Variants in EYS observed in about 807,000 individuals in gnomAD.
EYS encodes the protein EGF-like photoreceptor maintenance factor.
Under a neutral mutation model 282.1 loss-of-function variants are expected in EYS, and 250 were observed. The observed-to-expected ratio is 0.89, with a 90% CI of 0.80 to 0.98. The LOEUF is 0.98. Among genes scored for constraint, EYS ranks in the 50% least tolerant of loss-of-function variants. The pLI is 0.00. For synonymous variants in EYS, 1,355 were observed against 1,282.9 expected (o/e 1.06, Z -1.20); for missense variants, 4,016 against 3,709.0 (o/e 1.08, Z -2.15).
chr6:64,061,997 A>T (rs538137139), intron 33 of EYS, among the ~76,000 whole-genome samples: 2 of 151,526 alleles, frequency 1.3e-5, no homozygotes, highest in Admixed American at 6.6e-5. Context: ...CCATCATGCT[A>T]TTTTTTTTAT....
At chr6:65,179,080 A>G (rs1765303322) in intron 12 of EYS, among the ~76,000 whole-genome samples, 1 of 152,150 alleles carries the variant, frequency 6.6e-6, no homozygotes, top group African/African-American at 2.4e-5. Flanking sequence ...AGGGAAATTT[A>G]TAGCACTAAA....
At chr6:64,418,221 G>GT (rs891260635) in intron 28 of EYS, among the ~76,000 whole-genome samples, 3 of 151,594 alleles carry the variant, frequency 2.0e-5, no homozygotes, top group Non-Finnish European at 4.4e-5. Context: ...GTAACACCTT[G>GT]TTTAAAAAAA....
chr6:65,539,856 C>T (rs988267131), intron 2 of EYS, among the ~76,000 whole-genome samples: 2 of 152,094 alleles, frequency 1.3e-5, no homozygotes, highest in Non-Finnish European at 2.9e-5. Flanking sequence ...AAGTATAGTC[C>T]TTCAAACACC....
intron 2 of EYS, among the ~76,000 whole-genome samples, chr6:65,607,148 C>T (rs1051138592): frequency 3.3e-5 from 5 of 151,796 alleles, no homozygotes; most frequent in African/African-American, 1.2e-4. Flanking sequence ...CTCTCAACCA[C>T]TTGCAATTTA....
chr6:65,083,465 G>C (rs1774280453), intron 12 of EYS, among the ~76,000 whole-genome samples: 2 of 151,792 alleles, frequency 1.3e-5, no homozygotes, highest in African/African-American at 4.8e-5. Flanking sequence ...TAGAATTATT[G>C]TTAGCAAAAG....
chr6:65,278,437 C>T (rs113557385), intron 12 of EYS, among the ~76,000 whole-genome samples: 6,436 of 76,776 alleles, frequency 0.084, 228 homozygotes, highest in African/African-American at 0.13. Flanking sequence ...TCTGGAGAAC[C>T]CTAATACAGC....
At chr6:64,900,939 C>T (rs1054802268) in intron 18 of EYS, among the ~76,000 whole-genome samples, 2 of 151,948 alleles carry the variant, frequency 1.3e-5, no homozygotes, top group African/African-American at 4.8e-5. Flanking sequence ...GACACATGCA[C>T]ACGCATGTTT....
intron 11 of EYS, among the ~76,000 whole-genome samples, chr6:65,321,802 A>G (rs1397471149): frequency 6.6e-6 from 1 of 152,196 alleles, no homozygotes; most frequent in East Asian, 1.9e-4. Context: ...TTGCCTCAAA[A>G]TCAGTGAGAG....
intron 35 of EYS, among the ~76,000 whole-genome samples, chr6:63,873,184 G>GA (rs1319792348): frequency 7.1e-6 from 1 of 141,284 alleles, no homozygotes; most frequent in Non-Finnish European, 1.5e-5. Flanking sequence ...CACGGTGTGT[G>GA]ATGTTGCCCA....
intron 39 of EYS, among the ~76,000 whole-genome samples, chr6:63,782,954 T>C (rs1174508496): frequency 8.0e-6 from 1 of 125,042 alleles, no homozygotes; most frequent in Non-Finnish European, 1.8e-5. Flanking sequence ...GCAGTATAGC[T>C]TTTTTTTTTT....
intron 12 of EYS, among the ~76,000 whole-genome samples, chr6:65,100,381 A>G (rs1027341038): frequency 6.6e-6 from 1 of 150,746 alleles, no homozygotes; most frequent in African/African-American, 2.4e-5. Context: ...GAACAAAAAA[A>G]GAGTCATAAG....
rs180917793 is a variant in EYS at position 64,026,804 on chromosome 6, G to A, written c.6726-27621C>T. 4.6e-5 allele frequency among the ~76,000 whole-genome samples: 7 copies of A among 152,176 alleles called. No individual in the cohort carries two copies. In the South Asian group the frequency reaches 6.2e-4, roughly 14 times the overall value. The stretch of plus-strand genomic sequence containing the variant: ...GTACCACAAAACCCCCTAGGCTATC[G>A]GTTATGTCCCCTTCAAGCTGTAGAG... On this transcript the variant is annotated intron_variant, in intron 33 of 42. Transcript: ENST00000503581.
At chr6:64,373,470 A>G (rs1206138598) in intron 29 of EYS, among the ~76,000 whole-genome samples, 2 of 152,124 alleles carry the variant, frequency 1.3e-5, no homozygotes, top group African/African-American at 4.8e-5. Flanking sequence ...CTTCATGTGA[A>G]ACAGAGGATT....
chr6:63,816,875 TC>T (rs1284189461), intron 36 of EYS, among the ~76,000 whole-genome samples: 1 of 152,260 alleles, frequency 6.6e-6, no homozygotes, highest in African/African-American at 2.4e-5. Flanking sequence ...ACTTGCATTT[TC>T]AAATAACTTC....
At chr6:64,982,801 A>G (rs1420897555) in intron 14 of EYS, among the ~76,000 whole-genome samples, 1 of 151,204 alleles carries the variant, frequency 6.6e-6, no homozygotes, top group African/African-American at 2.4e-5. Flanking sequence ...GATTTTGTTG[A>G]TTGTATTTAT....
chr6:65,550,162 T>TATCTCGACTAC (rs1768562346), intron 2 of EYS, among the ~76,000 whole-genome samples: 2 of 9,116 alleles, frequency 2.2e-4, no homozygotes, highest in Non-Finnish European at 2.9e-4. Flanking sequence ...TTTTTTTTTT[T>TATCTCGACTAC]TTTTTTTTTT....
intron 36 of EYS, among the ~76,000 whole-genome samples, chr6:63,816,880 T>C (rs746295963): frequency 2.6e-5 from 4 of 152,252 alleles, no homozygotes; most frequent in Non-Finnish European, 4.4e-5. Context: ...CATTTTCAAA[T>C]AACTTCCTTT....
At chr6:64,548,404 A>C (rs1034440578) in intron 26 of EYS, among the ~76,000 whole-genome samples, 12 of 152,222 alleles carry the variant, frequency 7.9e-5, no homozygotes, top group African/African-American at 2.9e-4. Flanking sequence ...CACTATTCAC[A>C]GTAGCAAAGA....
At chr6:64,912,344 GA>G (rs1768025133) in intron 16 of EYS, 139 bp downstream of exon 16, 1 of 632,488 alleles carries the variant, frequency 1.6e-6, no homozygotes, top group African/African-American at 1.9e-5. Context: ...AACTGGATTT[GA>G]AGTTAGATAG....
Sources: allele counts gnomAD v4.1 joint callset (sites outside exome capture counted in the v4.1 genomes callset), GRCh38; gene constraint gnomAD v4.1.1; transcripts MANE v1.5; gene names NCBI Gene and HGNC (gene_info 2026-07-23, HGNC 2026-07-21).